The following KRIT1 variants were observed in gnomAD, a reference collection of about 807,000 sequenced individuals.
KRIT1 encodes krev interaction trapped protein 1.
A neutral mutation model predicts 95.8 loss-of-function variants in KRIT1; 45 were observed. The observed-to-expected ratio is 0.47, with a 90% confidence interval of 0.37 to 0.60. KRIT1 has a LOEUF of 0.60. Among genes scored for constraint, KRIT1 ranks in the 20% least tolerant of loss-of-function variants. The probability of loss-of-function intolerance (pLI) is 0.00; values close to 1 mark genes in which losing one functional copy is unlikely to be tolerated. For synonymous variants in KRIT1, 282 were observed against 278.8 expected, an observed-to-expected ratio of 1.01 and a Z score of -0.11; for missense variants, 788 against 877.5, an observed-to-expected ratio of 0.90 and a Z score of 1.29.
chr7:92,213,876 C>G lies in KRIT1; in HGVS notation c.1818+16G>C. On this transcript the variant is annotated intron_variant, in intron 16 of 18. Transcript: ENST00000394505. The stretch of plus-strand genomic sequence containing the variant: ...TAGCCTATAAAATGTCTTTTCATTT[C>G]TATTAAACAGCTTACCTTGTATTCA... The G allele has an allele frequency of 6.7e-7, 1 of 1,482,246 alleles. No individual in the cohort carries two copies. The highest frequency in any genetic ancestry group is 9.4e-7 in the Non-Finnish European group (1 of 1,060,204). 91.8% of individuals were successfully genotyped at this position (1,482,246 alleles called of 1,614,324 possible). A position where few individuals can be genotyped will look rare whatever the true frequency, so the allele number is the denominator to read the frequency against.
At chr7:92,205,542 C>T (rs1198619512) in intron 17 of KRIT1, among the ~76,000 whole-genome samples, 1 of 151,972 alleles carries the variant, frequency 6.6e-6, no homozygotes, top group East Asian at 1.9e-4. Flanking sequence ...AGTTCGAGAC[C>T]AGCCTGGCAA....
intron 13 of KRIT1, 93 bp downstream of exon 13, chr7:92,222,729 A>T: frequency 1.3e-6 from 1 of 764,014 alleles, no homozygotes; most frequent in Non-Finnish European, 2.2e-6. Flanking sequence ...TCAAAATTTA[A>T]GAGTCAAGAA....
chr7:92,213,960 T>C lies in KRIT1; in HGVS notation c.1750A>G (p.Ile584Val). The C allele has an allele frequency of 6.2e-7, 1 of 1,607,968 alleles. No individual in the cohort carries two copies. Among genetic ancestry groups the C allele is most frequent in the Non-Finnish European group, 8.5e-7 (1 of 1,174,568 alleles). ...CTTTTCAGTTTGGTAACAGGTACGA[T>C]GGATTTTAGATTTTCTTCACTGTAA... ...GFLNEENLKS[I>V]VPVTKLKSKA... The change falls in exon 16 of 19, where the codon ATC (isoleucine) becomes GTC (valine). Residue 584 changes from isoleucine to valine, a missense_variant. Transcript: ENST00000394505.
chr7:92,228,333 T>G (rs963057612), intron 10 of KRIT1, among the ~76,000 whole-genome samples: 7 of 152,072 alleles, frequency 4.6e-5, no homozygotes, highest in African/African-American at 1.7e-4. Flanking sequence ...GAAGCAAGGG[T>G]AGAAAGTAAT....
chr7:92,233,063 T>G lies in KRIT1; in HGVS notation c.989+1386A>C, dbSNP rs1344015878. Among the ~76,000 whole-genome samples, 3 of 151,962 alleles carry G rather than the reference T, an allele frequency of 2.0e-5. No individual in the cohort carries two copies. The East Asian group carries it at 5.8e-4, about 29-fold the overall frequency. On this transcript the variant is annotated intron_variant, in intron 10 of 18. Transcript: ENST00000394505. ...GTAATCTAAAGAAACAACTATTAAC[T>G]CAGTTAAAGACAATTAGAGTAACTC... is the stretch of plus-strand genomic sequence containing the variant.
intron 10 of KRIT1, among the ~76,000 whole-genome samples, chr7:92,232,974 T>C (rs1180828257): frequency 6.6e-6 from 1 of 152,212 alleles, no homozygotes; most frequent in African/African-American, 2.4e-5. Flanking sequence ...ATTACAGGTG[T>C]GAGCCACTGC....
At chr7:92,234,412 TTC>T in intron 10 of KRIT1, 35 bp downstream of exon 10, 6 of 1,464,094 alleles carry the variant, frequency 4.1e-6, no homozygotes, top group Non-Finnish European at 5.7e-6. Flanking sequence ...AAAAAATGTA[TTC>T]TTTCTAAAAA....
At chr7:92,214,989 T>G (rs565712903) in intron 14 of KRIT1, among the ~76,000 whole-genome samples, 2 of 152,176 alleles carry the variant, frequency 1.3e-5, no homozygotes, top group South Asian at 4.1e-4. Flanking sequence ...TAATCAACTC[T>G]GGCACTGTAG....
chr7:92,213,089 A>C (rs1793222489), intron 17 of KRIT1, 106 bp downstream of exon 17: 3 of 734,082 alleles, frequency 4.1e-6, no homozygotes, highest in Middle Eastern at 3.6e-4. Flanking sequence ...AATGAGTTGC[A>C]ATGAACAGTC....
intron 5 of KRIT1, among the ~76,000 whole-genome samples, chr7:92,238,503 T>C (rs1490748899): frequency 1.3e-5 from 2 of 152,298 alleles, no homozygotes; most frequent in Non-Finnish European, 2.9e-5. Flanking sequence ...CCAATATTTG[T>C]GATTATTAAG....
chr7:92,216,025 C>T (rs567115040), intron 14 of KRIT1, among the ~76,000 whole-genome samples: 11 of 151,934 alleles, frequency 7.2e-5, no homozygotes, highest in African/African-American at 2.2e-4. Flanking sequence ...GCCAGGAGAT[C>T]GAGACCATGC....
intron 5 of KRIT1, among the ~76,000 whole-genome samples, chr7:92,240,493 A>T (rs1799383784): frequency 6.6e-6 from 1 of 152,172 alleles, no homozygotes; most frequent in East Asian, 1.9e-4. Flanking sequence ...TGGATCATTA[A>T]TTTTTAATCT....
intron 5 of KRIT1, among the ~76,000 whole-genome samples, chr7:92,239,006 T>C (rs1283697984): frequency 6.6e-6 from 1 of 152,254 alleles, no homozygotes; most frequent in Non-Finnish European, 1.5e-5. Flanking sequence ...GTGATGTTTA[T>C]ATAAGGAATC....
chr7:92,217,510 A>G (rs948275020), intron 14 of KRIT1, among the ~76,000 whole-genome samples: 1 of 152,164 alleles, frequency 6.6e-6, no homozygotes, highest in Non-Finnish European at 1.5e-5. Flanking sequence ...ATTACTTGAT[A>G]TAAGTAGAAT....
chr7:92,242,575 A>T (rs1799920596), intron 3 of KRIT1, among the ~76,000 whole-genome samples: 1 of 152,090 alleles, frequency 6.6e-6, no homozygotes, highest in Non-Finnish European at 1.5e-5. Flanking sequence ...TGTTAGTTAT[A>T]CTGTTAACAG....
intron 13 of KRIT1, 142 bp downstream of exon 13, chr7:92,222,679 CA>C (rs1288382558): frequency 1.6e-6 from 1 of 633,730 alleles, no homozygotes; most frequent in Non-Finnish European, 2.8e-6. Context: ...GCAGTTTGAA[CA>C]CTAGTAATTT....
chr7:92,222,579 T>C (rs1275266586), intron 13 of KRIT1, among the ~76,000 whole-genome samples: 2 of 152,204 alleles, frequency 1.3e-5, no homozygotes, highest in Non-Finnish European at 2.9e-5. Flanking sequence ...TCAAATGCCA[T>C]TGCCATAGAA....
intron 18 of KRIT1, 129 bp downstream of exon 18, chr7:92,201,178 G>A: frequency 1.5e-6 from 1 of 671,048 alleles, no homozygotes; most frequent in Non-Finnish European, 2.7e-6. Flanking sequence ...TTATTCCTTG[G>A]TCTTAAATAT....
intron 4 of KRIT1, among the ~76,000 whole-genome samples, chr7:92,241,530 A>G (rs1799639266): frequency 6.6e-6 from 1 of 152,144 alleles, no homozygotes; most frequent in Non-Finnish European, 1.5e-5. Context: ...AATCTGTTGC[A>G]TAAAAAAGTA....
Sources: allele counts gnomAD v4.1 joint callset (sites outside exome capture counted in the v4.1 genomes callset), GRCh38; gene constraint gnomAD v4.1.1; transcripts MANE v1.5; gene names NCBI Gene and HGNC (gene_info 2026-07-23, HGNC 2026-07-21).